The following EOGT variants were observed in gnomAD, a reference collection of about 807,000 sequenced individuals.
The protein encoded by EOGT is EGF domain-specific O-linked N-acetylglucosamine transferase.
Under a neutral mutation model 70.5 loss-of-function variants are expected in EOGT, and 55 were observed. The ratio of observed to expected loss-of-function variants is 0.78; its 90% CI spans 0.63 to 0.98. The LOEUF (loss-of-function observed/expected upper bound fraction) is 0.98, where lower values mean the gene tolerates loss of function less well. EOGT is among the 50% of genes least tolerant of loss of function. EOGT has a pLI of 0.00. For missense variants in EOGT, 703 were observed against 641.9 expected (o/e 1.10, Z -1.03); for synonymous variants, 246 against 217.1 (o/e 1.13, Z -1.17).
At position 68,977,576 on chromosome 3, in the gene EOGT, G is replaced by A. The variant is rs1483187938; in HGVS notation, c.*42C>T. The A allele has an allele frequency of 3.1e-6, 5 of 1,601,294 alleles. No individual in the cohort carries two copies. The highest frequency in any genetic ancestry group is 4.3e-6 in the Non-Finnish European group (5 of 1,171,600). On this transcript the variant is annotated 3_prime_UTR_variant, in exon 18 of 18. Transcript: ENST00000383701. The stretch of plus-strand genomic sequence containing the variant: ...GATTTAATTCTAAGTCTGGGTGTTG[G>A]AGTGTTTAAACACTCTCTTTTTGCA...
intron 14 of EOGT, among the ~76,000 whole-genome samples, chr3:68,986,031 C>T (rs375095346): frequency 1.3e-5 from 2 of 152,180 alleles, no homozygotes; most frequent in South Asian, 2.1e-4. Flanking sequence ...AACATGGCAT[C>T]TCTCTGGCCC....
chr3:69,009,643 T>A lies in EOGT; in HGVS notation c.204A>T (p.Pro68=), dbSNP rs751536233. 2.5e-6 allele frequency: 4 copies of A among 1,611,444 alleles called. No individual in the cohort carries two copies. The highest frequency in any genetic ancestry group is 4.5e-5 in the East Asian group (2 of 44,854). The change falls in exon 4 of 18, where the codon CCA becomes CCT. Residue 68 remains proline (P), a synonymous_variant. Transcript: ENST00000383701. Reference sequence around the variant, plus strand: ...GAAAAGAAATAATACCTACCTTATATGGACAAAGAGAGTCTTTCCTACAGA... The same window carrying A: ...GAAAAGAAATAATACCTACCTTATAAGGACAAAGAGAGTCTTTCCTACAGA... The part of the protein sequence containing the change: ...ATVCRKDSLC[P]YKKHLEKLKY...
chr3:69,009,455 T>C (rs2091515224), intron 4 of EOGT, among the ~76,000 whole-genome samples, 182 bp downstream of exon 4: 1 of 152,188 alleles, frequency 6.6e-6, no homozygotes, highest in East Asian at 1.9e-4. Flanking sequence ...TTCTCTCTTA[T>C]GAATGGGACA....
At position 68,987,528 on chromosome 3, in the gene EOGT, A is replaced by C; in HGVS notation, c.1084-15T>G. ...ATTTTTCCATCCTGTAATCAAAATG[A>C]AACGGTAAAATAACACTGCATATGC... On this transcript the variant is annotated splice_polypyrimidine_tract_variant and intron_variant, in intron 13 of 17. Transcript: ENST00000383701. 1 of 1,601,840 alleles carries C rather than the reference A, an allele frequency of 6.2e-7. No homozygotes were observed. Among genetic ancestry groups the C allele is most frequent in the Non-Finnish European group, 8.6e-7 (1 of 1,169,192 alleles).
At chr3:68,986,832 T>C (rs1347023080) in intron 14 of EOGT, among the ~76,000 whole-genome samples, 1 of 152,152 alleles carries the variant, frequency 6.6e-6, no homozygotes, top group Admixed American at 6.5e-5. Context: ...CTCTACTCTA[T>C]CTCCAGGGCC....
intron 6 of EOGT, among the ~76,000 whole-genome samples, chr3:69,007,315 C>G (rs375278072): frequency 2.8e-4 from 42 of 152,180 alleles, no homozygotes; most frequent in African/African-American, 9.6e-4. Flanking sequence ...TTTTACATTA[C>G]AAGCTAAATG....
intron 1 of EOGT, among the ~76,000 whole-genome samples, 187 bp from the exon 2 acceptor site, chr3:69,012,986 C>A (rs963290635): frequency 4.6e-5 from 7 of 152,028 alleles, no homozygotes; most frequent in South Asian, 2.1e-4. Context: ...ACGGCTGGCC[C>A]CTACTTGTGC....
chr3:68,998,924 T>C lies in EOGT; in HGVS notation c.728-810A>G, dbSNP rs138696479. On this transcript the variant is annotated intron_variant, in intron 9 of 17. Coordinates refer to ENST00000383701, the MANE Select transcript of EOGT (RefSeq NM_001278689.2). ...ACTGGCAATGATGGCAACTAACATT[T>C]TGGTAATTTTCATTCCTGTCTCTTT... 2.0e-5 allele frequency among the ~76,000 whole-genome samples: 3 copies of C among 152,240 alleles called. No individual in the cohort carries two copies. The East Asian group carries it at 5.8e-4, about 29-fold the overall frequency.
intron 1 of EOGT, 110 bp from the exon 2 acceptor site, chr3:69,012,909 G>C (rs889841804): frequency 6.6e-6 from 1 of 152,098 alleles, no homozygotes; most frequent in Non-Finnish European, 1.5e-5. Context: ...GAGAGAGCTT[G>C]GAAAAGTTTA....
intron 11 of EOGT, 106 bp from the exon 12 acceptor site, chr3:68,988,683 T>G (rs1188993015): frequency 1.4e-6 from 1 of 711,076 alleles, no homozygotes; most frequent in East Asian, 2.7e-5. Context: ...CATTTTGCAT[T>G]GCTTGAATAG....
intron 8 of EOGT, among the ~76,000 whole-genome samples, chr3:69,002,544 T>G (rs1413585047): frequency 6.6e-6 from 1 of 152,076 alleles, no homozygotes. Flanking sequence ...GACATTGCAT[T>G]GCAGACTGCA....
At chr3:68,982,747 C>T in intron 15 of EOGT, 64 bp downstream of exon 15, 1 of 1,236,508 alleles carries the variant, frequency 8.1e-7, no homozygotes. Flanking sequence ...AAAATGCTTT[C>T]TAGCCCCCTT....
At chr3:68,978,156 A>G (rs2090525400) in intron 17 of EOGT, among the ~76,000 whole-genome samples, 177 bp downstream of exon 17, 1 of 152,250 alleles carries the variant, frequency 6.6e-6, no homozygotes, top group Non-Finnish European at 1.5e-5. Flanking sequence ...TTAAAGATAT[A>G]GGTTGCTTAA....
At chr3:68,994,554 G>A (rs1275988558) in intron 10 of EOGT, among the ~76,000 whole-genome samples, 1 of 152,202 alleles carries the variant, frequency 6.6e-6, no homozygotes, top group Non-Finnish European at 1.5e-5. Flanking sequence ...CACTTTGGGA[G>A]GCCAAGGCAG....
intron 3 of EOGT, 87 bp from the exon 4 acceptor site, chr3:69,009,947 AAAC>A (rs1311439133): frequency 0.012 from 3,996 of 334,840 alleles, 40 homozygotes; most frequent in African/African-American, 0.037. Flanking sequence ...AAAAAAAAAA[AAAC>A]AAAGGGTCAA....
intron 10 of EOGT, among the ~76,000 whole-genome samples, chr3:68,991,268 T>C (rs1333684567): frequency 6.6e-6 from 1 of 152,216 alleles, no homozygotes; most frequent in Non-Finnish European, 1.5e-5. Flanking sequence ...TTGGATAGTC[T>C]TCAAGATGAC....
intron 13 of EOGT, chr3:68,987,941 G>C: frequency 2.9e-6 from 1 of 347,238 alleles, no homozygotes; most frequent in South Asian, 4.0e-5. Context: ...TTTTGGGGCA[G>C]TCTTGCTCTG....
rs1393548421 is a variant in EOGT, at chr3:69,009,621, A to C, written c.210+16T>G. ...TGCATCCTCATAAAAATAAGGAGAA[A>C]AGAAATAATACCTACCTTATATGGA... On this transcript the variant is annotated intron_variant, in intron 4 of 17. Coordinates refer to ENST00000383701, the MANE Select transcript of EOGT (RefSeq NM_001278689.2). The C allele has an allele frequency of 5.6e-6, 9 of 1,593,504 alleles. No homozygotes were observed. Among genetic ancestry groups the C allele is most frequent in the Non-Finnish European group, 7.7e-6 (9 of 1,162,416 alleles).
intron 15 of EOGT, among the ~76,000 whole-genome samples, chr3:68,980,345 T>A (rs1197429699): frequency 6.6e-6 from 1 of 152,186 alleles, no homozygotes; most frequent in Non-Finnish European, 1.5e-5. Context: ...CAAAATGATC[T>A]CAGATACCAC....
Sources: gnomAD v4.1 joint callset for allele counts (sites outside exome capture counted in the v4.1 genomes callset) on GRCh38, gnomAD v4.1.1 for gene constraint, MANE v1.5 for transcripts, NCBI Gene and HGNC (gene_info 2026-07-23, HGNC 2026-07-21) for gene names.